KCNK2: variants seen among roughly 807,000 people sequenced by gnomAD.
KCNK2 encodes the protein potassium two pore domain channel subfamily K member 2.
A neutral mutation model predicts 40.5 loss-of-function variants in KCNK2; 21 were observed. The observed-to-expected ratio is 0.52, with a 90% CI of 0.37 to 0.75. The LOEUF is 0.75. Among genes scored for constraint, KCNK2 ranks in the 30% least tolerant of loss-of-function variants. The pLI is 0.00. For synonymous variants in KCNK2, 191 were observed against 202.2 expected, an observed-to-expected ratio of 0.94 and a Z score of 0.47; for missense variants, 399 against 531.6, an observed-to-expected ratio of 0.75 and a Z score of 2.45.
intron 1 of KCNK2, among the ~76,000 whole-genome samples, chr1:215,036,588 A>G (rs141038371): frequency 1.2e-3 from 179 of 151,920 alleles, no homozygotes; most frequent in Middle Eastern, 3.4e-3. Flanking sequence ...TAGATTTTGA[A>G]TTGACACGTG....
At chr1:215,157,298 G>A (rs1014054913) in intron 3 of KCNK2, among the ~76,000 whole-genome samples, 1 of 152,166 alleles carries the variant, frequency 6.6e-6, no homozygotes, top group African/African-American at 2.4e-5. Context: ...GGCACAAAAA[G>A]AAGTGACCTA....
At chr1:215,133,490 T>G (rs967362696) in intron 3 of KCNK2, among the ~76,000 whole-genome samples, 1 of 152,112 alleles carries the variant, frequency 6.6e-6, no homozygotes, top group African/African-American at 2.4e-5. Flanking sequence ...TAAAACTAGG[T>G]GTAATGATTA....
intron 1 of KCNK2, among the ~76,000 whole-genome samples, chr1:215,033,199 C>A (rs372024327): frequency 1.6e-5 from 1 of 61,924 alleles, no homozygotes; most frequent in Non-Finnish European, 3.5e-5. Flanking sequence ...CTAGCAGTTT[C>A]TTTTCTTTTT....
intron 6 of KCNK2, among the ~76,000 whole-genome samples, chr1:215,217,052 C>A (rs945406745): frequency 6.6e-6 from 1 of 152,210 alleles, no homozygotes; most frequent in African/African-American, 2.4e-5. Flanking sequence ...GGGACAATGA[C>A]ATAAATGTAT....
intron 3 of KCNK2, among the ~76,000 whole-genome samples, chr1:215,125,075 T>G (rs1661354879): frequency 6.6e-6 from 1 of 152,302 alleles, no homozygotes; most frequent in South Asian, 2.1e-4. Flanking sequence ...TTCCTGAATT[T>G]TTGATATTTT....
chr1:215,065,005 G>T (rs1658488451), intron 1 of KCNK2, among the ~76,000 whole-genome samples: 1 of 152,162 alleles, frequency 6.6e-6, no homozygotes, highest in Admixed American at 6.5e-5. Context: ...GGGAATCTTT[G>T]AAAGTAATAC....
chr1:215,218,797 A>G (rs751459811), intron 6 of KCNK2, among the ~76,000 whole-genome samples: 1 of 152,200 alleles, frequency 6.6e-6, no homozygotes, highest in Non-Finnish European at 1.5e-5. Context: ...ATGTGCCTGC[A>G]ATGTATGCAT....
At chr1:215,113,841 G>A (rs776768729) in intron 2 of KCNK2, among the ~76,000 whole-genome samples, 1 of 151,996 alleles carries the variant, frequency 6.6e-6, no homozygotes, top group African/African-American at 2.4e-5. Context: ...AGTGATCTGC[G>A]CAACTCGGCC....
intron 4 of KCNK2, 36 bp from the exon 5 acceptor site, chr1:215,171,957 CATAT>C: frequency 8.2e-7 from 1 of 1,215,512 alleles, no homozygotes; most frequent in Non-Finnish European, 1.2e-6. Flanking sequence ...CATTTATATA[CATAT>C]ATATATATAC....
chr1:215,088,179 T>C (rs1481120640), intron 2 of KCNK2, among the ~76,000 whole-genome samples: 1 of 152,090 alleles, frequency 6.6e-6, no homozygotes, highest in Non-Finnish European at 1.5e-5. Flanking sequence ...CTAAAAATCT[T>C]TGAAAAATCC....
At chr1:215,160,301 A>G (rs920860209) in intron 3 of KCNK2, among the ~76,000 whole-genome samples, 3 of 152,226 alleles carry the variant, frequency 2.0e-5, no homozygotes, top group African/African-American at 7.2e-5. Context: ...ATGGTTCAGA[A>G]AAAAGAAATG....
chr1:215,090,913 C>T (rs150423944), intron 2 of KCNK2, among the ~76,000 whole-genome samples: 89 of 152,138 alleles, frequency 5.8e-4, no homozygotes, highest in Admixed American at 1.4e-3. Flanking sequence ...TTCGTTCATC[C>T]AGTGGCATTT....
At chr1:215,150,277 C>T (rs898856055) in intron 3 of KCNK2, among the ~76,000 whole-genome samples, 2 of 152,020 alleles carry the variant, frequency 1.3e-5, no homozygotes, top group African/African-American at 4.8e-5. Context: ...TCAGAGGGGA[C>T]CAATAGGGAA....
At chr1:215,110,289 G>T (rs369411444) in intron 2 of KCNK2, among the ~76,000 whole-genome samples, 1 of 151,800 alleles carries the variant, frequency 6.6e-6, no homozygotes, top group African/African-American at 2.4e-5. Context: ...TTTTTGCCTC[G>T]ATCAATGTCT....
At chr1:215,179,135 G>A (rs368788940) in intron 5 of KCNK2, among the ~76,000 whole-genome samples, 1 of 151,860 alleles carries the variant, frequency 6.6e-6, no homozygotes, top group Non-Finnish European at 1.5e-5. Context: ...TTTAATTTGT[G>A]TGCATAGAAA....
chr1:215,029,377 A>G (rs1357162071), intron 1 of KCNK2, among the ~76,000 whole-genome samples: 1 of 87,432 alleles, frequency 1.1e-5, no homozygotes, highest in Non-Finnish European at 2.5e-5. Flanking sequence ...CACATAGCAT[A>G]TAATCTATTT....
chr1:215,092,039 T>C (rs1187515416), intron 2 of KCNK2, among the ~76,000 whole-genome samples: 1 of 152,078 alleles, frequency 6.6e-6, no homozygotes, highest in East Asian at 1.9e-4. Context: ...TTCAAGAGGA[T>C]TTCCCTGGCT....
chr1:215,130,533 G>A (rs1661622630), intron 3 of KCNK2, among the ~76,000 whole-genome samples: 1 of 152,208 alleles, frequency 6.6e-6, no homozygotes, highest in South Asian at 2.1e-4. Flanking sequence ...GAGCAGCACA[G>A]CATGCCATTT....
At chr1:215,223,064 G>A (rs1666244873) in intron 6 of KCNK2, among the ~76,000 whole-genome samples, 2 of 151,984 alleles carry the variant, frequency 1.3e-5, no homozygotes, top group African/African-American at 4.8e-5. Context: ...AAAAATCCCG[G>A]TCAAAGATCA....
Sources: allele counts gnomAD v4.1 joint callset (sites outside exome capture counted in the v4.1 genomes callset), GRCh38; gene constraint gnomAD v4.1.1; transcripts MANE v1.5; gene names NCBI Gene and HGNC (gene_info 2026-07-23, HGNC 2026-07-21).